PLLP: variants seen among roughly 807,000 people sequenced by gnomAD.
PLLP encodes plasmolipin.
PLLP carries 15 observed loss-of-function variants against 19.7 expected under a neutral mutation model. The observed-to-expected ratio is 0.76, with a 90% confidence interval of 0.51 to 1.17. The LOEUF (loss-of-function observed/expected upper bound fraction) is 1.17, where lower values mean the gene tolerates loss of function less well. Among genes scored for constraint, PLLP ranks in the 50% most tolerant of loss-of-function variants. The pLI, the probability that PLLP is intolerant of heterozygous loss-of-function variation, is 0.00. For missense variants in PLLP, 255 were observed against 258.3 expected (o/e 0.99, Z 0.09); for synonymous variants, 111 against 116.3 (o/e 0.95, Z 0.29).
At position 57,258,786 on chromosome 16, in the gene PLLP, T is replaced by C. The variant is rs569341721; in HGVS notation, c.310-202A>G. Among the ~76,000 whole-genome samples, 28 of 151,492 alleles carry C rather than the reference T, an allele frequency of 1.8e-4. 1 individual carries two copies. In the South Asian group the frequency reaches 4.8e-3, roughly 26 times the overall value. ...AAATAAAAAAGTTAGCCAGGCATGG[T>C]GGCGCATGCCTGTGATCTCAGCTAC... On this transcript the variant is annotated intron_variant, in intron 2 of 3. Transcript: ENST00000219207.
chr16:57,279,216 C>T (rs76452062), intron 1 of PLLP, among the ~76,000 whole-genome samples: 4,665 of 152,226 alleles, frequency 0.031, 240 homozygotes, highest in African/African-American at 0.11. Context: ...AATTTGGGAA[C>T]TCCCCCAGGA....
At chr16:57,280,437 C>T (rs760291769) in intron 1 of PLLP, among the ~76,000 whole-genome samples, 19 of 152,144 alleles carry the variant, frequency 1.2e-4, no homozygotes, top group Non-Finnish European at 1.8e-4. Context: ...CAAATAACCA[C>T]GCCTTCTGCA....
At chr16:57,270,288 C>A (rs1316886211) in intron 1 of PLLP, among the ~76,000 whole-genome samples, 2 of 130,220 alleles carry the variant, frequency 1.5e-5, no homozygotes, top group Non-Finnish European at 3.3e-5. Context: ...CCATCTCCAG[C>A]CCCCGAGTCC....
chr16:57,257,683 G>A (rs1222923124), intron 3 of PLLP, among the ~76,000 whole-genome samples: 2 of 152,258 alleles, frequency 1.3e-5, no homozygotes. Context: ...CAGGCGTGGA[G>A]GGGACTACTG....
At chr16:57,266,722 T>C (rs2075458381) in intron 1 of PLLP, among the ~76,000 whole-genome samples, 1 of 152,038 alleles carries the variant, frequency 6.6e-6, no homozygotes, top group Non-Finnish European at 1.5e-5. Flanking sequence ...TACATGAATA[T>C]CTAACTGTCT....
intron 1 of PLLP, among the ~76,000 whole-genome samples, chr16:57,275,039 C>T (rs180998964): frequency 2.0e-5 from 3 of 152,072 alleles, no homozygotes; most frequent in African/African-American, 4.8e-5. Context: ...GGGTTTCAGG[C>T]GTGAGCCACC....
Position 57,261,920 on chromosome 16 carries a change from A to T in PLLP, c.286T>A (p.Tyr96Asn). The T allele has an allele frequency of 6.2e-7, 1 of 1,614,066 alleles. No individual in the cohort carries two copies. The highest frequency in any genetic ancestry group is 1.3e-5 in the African/African-American group (1 of 75,018). Residue 96 changes from tyrosine to asparagine, a missense_variant, in exon 2 of 4, where the codon TAC becomes AAC. By Grantham distance (143) the Tyr-to-Asn change is moderately radical. Transcript: ENST00000219207. ...ACCACCAGTGGCCAGGGAACCATGTACAACTTCATGTGCAGCTGAAACAGG... is the reference window on the plus strand; with the variant it reads ...ACCACCAGTGGCCAGGGAACCATGTTCAACTTCATGTGCAGCTGAAACAGG... ...LYLFQLHMKLYMVPWPLVLMI... is the reference protein window; with the variant it reads ...LYLFQLHMKLNMVPWPLVLMI...
chr16:57,262,499 C>G (rs534854018), intron 1 of PLLP, among the ~76,000 whole-genome samples: 2 of 152,186 alleles, frequency 1.3e-5, no homozygotes, highest in East Asian at 3.9e-4. Context: ...TTGCAGTGAG[C>G]TGAGATCACG....
chr16:57,261,378 C>T (rs2146438964), intron 2 of PLLP, among the ~76,000 whole-genome samples: 1 of 152,228 alleles, frequency 6.6e-6, no homozygotes, highest in Admixed American at 6.5e-5. Context: ...TACTCCCCTC[C>T]TGGGACAAAG....
chr16:57,271,420 G>C lies in PLLP; in HGVS notation c.136-9350C>G, dbSNP rs2075474939. On this transcript the variant is annotated intron_variant, in intron 1 of 3. Transcript: ENST00000219207. ...GCACTTTGGGAGGTCAAGGCAGGTGGATCACCTGAGGTCAGGCGTTCCAGA... is the reference window on the plus strand; with the variant it reads ...GCACTTTGGGAGGTCAAGGCAGGTGCATCACCTGAGGTCAGGCGTTCCAGA... Among the ~76,000 whole-genome samples, 4 of 152,060 alleles carry C rather than the reference G, an allele frequency of 2.6e-5. No homozygotes were observed. In the South Asian group the frequency reaches 8.3e-4, roughly 32 times the overall value.
At chr16:57,262,290 G>A (rs748686004) in intron 1 of PLLP, among the ~76,000 whole-genome samples, 12 of 152,108 alleles carry the variant, frequency 7.9e-5, no homozygotes, top group African/African-American at 1.4e-4. Flanking sequence ...AGTGGCTCAC[G>A]TCTGTAATCC....
chr16:57,275,827 C>A (rs1448180026), intron 1 of PLLP, among the ~76,000 whole-genome samples: 2 of 152,220 alleles, frequency 1.3e-5, no homozygotes, highest in African/African-American at 4.8e-5. Flanking sequence ...TCTTAAACAT[C>A]TTTTAGATCC....
chr16:57,275,949 C>T (rs1469828001), intron 1 of PLLP, among the ~76,000 whole-genome samples: 1 of 152,138 alleles, frequency 6.6e-6, no homozygotes, highest in East Asian at 1.9e-4. Context: ...GACCATGTCT[C>T]TACCAAAAAT....
At chr16:57,273,711 C>A (rs1429025268) in intron 1 of PLLP, among the ~76,000 whole-genome samples, 1 of 152,230 alleles carries the variant, frequency 6.6e-6, no homozygotes. Flanking sequence ...TCACCGAATT[C>A]TGCCACAAAC....
chr16:57,266,664 C>G (rs1419156199), intron 1 of PLLP, among the ~76,000 whole-genome samples: 1 of 152,102 alleles, frequency 6.6e-6, no homozygotes, highest in Non-Finnish European at 1.5e-5. Flanking sequence ...CCCTGCAGGT[C>G]TCTCTTGCTT....
intron 1 of PLLP, among the ~76,000 whole-genome samples, chr16:57,278,273 G>A (rs763492753): frequency 2.6e-5 from 4 of 152,210 alleles, no homozygotes; most frequent in Non-Finnish European, 4.4e-5. Flanking sequence ...CCGGGAGGCG[G>A]AGGTTGCAGT....
At chr16:57,265,642 T>A (rs1320868064) in intron 1 of PLLP, among the ~76,000 whole-genome samples, 1 of 152,182 alleles carries the variant, frequency 6.6e-6, no homozygotes, top group Non-Finnish European at 1.5e-5. Flanking sequence ...GATTCCTCCA[T>A]CACCAGACCC....
In PLLP at chr16:57,284,556, C is replaced by T. The variant is rs773260263; in HGVS notation, c.-16G>A. On this transcript the variant is annotated 5_prime_UTR_variant, in exon 1 of 4. Coordinates refer to ENST00000219207, the MANE Select transcript of PLLP (RefSeq NM_015993.3). ...ACTCGGCCATGGCGGCTCCGCTTGCCTCCCGAGGTCGCTACGGCCGCCGTC... is the reference window on the plus strand; with the variant it reads ...ACTCGGCCATGGCGGCTCCGCTTGCTTCCCGAGGTCGCTACGGCCGCCGTC... The T allele has an allele frequency of 6.0e-6, 8 of 1,337,174 alleles. No individual in the cohort carries two copies. Among genetic ancestry groups the T allele is most frequent in the Non-Finnish European group, 7.7e-6 (8 of 1,036,894 alleles). 82.8% of individuals were successfully genotyped at this position (1,337,174 alleles called of 1,614,324 possible).
chr16:57,259,577 C>T (rs1165642081), intron 2 of PLLP, among the ~76,000 whole-genome samples: 2 of 152,204 alleles, frequency 1.3e-5, no homozygotes, highest in African/African-American at 4.8e-5. Context: ...AACGCCTGGT[C>T]CTCAAACATT....
Sources: allele counts gnomAD v4.1 joint callset (sites outside exome capture counted in the v4.1 genomes callset), GRCh38; gene constraint gnomAD v4.1.1; transcripts MANE v1.5; gene names NCBI Gene and HGNC (gene_info 2026-07-23, HGNC 2026-07-21).